NLRP11: variants seen among roughly 807,000 people sequenced by gnomAD.
NLRP11 encodes the protein NLR family pyrin domain containing 11.
In NLRP11, 53 loss-of-function variants were observed where a neutral mutation model predicts 79.3. The observed-to-expected ratio is 0.67, with a 90% CI of 0.54 to 0.84. The LOEUF is 0.84. Ranked by LOEUF, NLRP11 falls within the 40% of genes least tolerant of loss-of-function variation. The pLI is 0.00. For synonymous variants in NLRP11, 518 were observed against 462.6 expected, an observed-to-expected ratio of 1.12 and a Z score of -1.54; for missense variants, 1,264 against 1,255.0, an observed-to-expected ratio of 1.01 and a Z score of -0.11.
intron 1 of NLRP11, among the ~76,000 whole-genome samples, chr19:55,830,990 A>G (rs1304315851): frequency 6.6e-6 from 1 of 152,070 alleles, no homozygotes; most frequent in African/African-American, 2.4e-5. Flanking sequence ...GAGACTTTGG[A>G]GGTTGGGCCC....
intron 5 of NLRP11, among the ~76,000 whole-genome samples, chr19:55,796,756 G>C (rs558637793): frequency 4.6e-5 from 7 of 150,982 alleles, no homozygotes; most frequent in Non-Finnish European, 8.8e-5. Context: ...GTGCGATCTC[G>C]GCTCACTGCA....
chr19:55,808,382 G>A (rs1250543687), intron 3 of NLRP11, among the ~76,000 whole-genome samples: 1 of 152,146 alleles, frequency 6.6e-6, no homozygotes, highest in East Asian at 1.9e-4. Context: ...AAGAAATTAG[G>A]TTAAACCACT....
intron 1 of NLRP11, among the ~76,000 whole-genome samples, chr19:55,823,767 A>G (rs986874515): frequency 2.0e-5 from 3 of 150,116 alleles, no homozygotes; most frequent in Admixed American, 6.7e-5. Flanking sequence ...ACTATGTGAA[A>G]AGACCAAATC....
intron 2 of NLRP11, among the ~76,000 whole-genome samples, chr19:55,817,590 T>G (rs1021775586): frequency 2.6e-5 from 4 of 151,982 alleles, no homozygotes; most frequent in African/African-American, 9.7e-5. Flanking sequence ...AACCAAACAT[T>G]GTATTTTCTC....
At chr19:55,803,121 G>A (rs1979642060) in intron 4 of NLRP11, among the ~76,000 whole-genome samples, 1 of 152,088 alleles carries the variant, frequency 6.6e-6, no homozygotes, top group Non-Finnish European at 1.5e-5. Flanking sequence ...GACTCAGATG[G>A]GCAGATCACA....
intron 5 of NLRP11, among the ~76,000 whole-genome samples, chr19:55,798,798 A>C (rs1178634059): frequency 6.6e-6 from 1 of 152,120 alleles, no homozygotes; most frequent in African/African-American, 2.4e-5. Flanking sequence ...AAACTAGATG[A>C]AAGTTGCCCT....
intron 1 of NLRP11, among the ~76,000 whole-genome samples, chr19:55,831,026 C>T (rs1982710647): frequency 6.6e-6 from 1 of 151,254 alleles, no homozygotes; most frequent in Non-Finnish European, 1.5e-5. Context: ...GTTCCAATCC[C>T]CCCTGTAAAT....
intron 4 of NLRP11, among the ~76,000 whole-genome samples, chr19:55,804,818 A>G (rs1309543603): frequency 3.9e-5 from 6 of 152,278 alleles, no homozygotes; most frequent in Non-Finnish European, 5.9e-5. Flanking sequence ...TAATCTCAGC[A>G]CTTTGGGAGG....
At position 55,809,691 on chromosome 19, in the gene NLRP11, T is replaced by C. The variant is rs765224655; in HGVS notation, c.919A>G (p.Ile307Val). The change falls in exon 3 of 10, where the codon ATA (isoleucine) becomes GTA (valine). Residue 307 changes from isoleucine to valine, a missense_variant. Transcript: ENST00000589093. The surrounding 1 kb of genome is among the most constrained non-coding windows in gnomAD (Gnocchi z 4.5). Reference sequence around the variant, plus strand: ...TCTTTAAAGAAAGAGTTAAAATATATCTCCCTCTTCCCATTCGACAGCTGC... The same window carrying C: ...TCTTTAAAGAAAGAGTTAAAATATACCTCCCTCTTCCCATTCGACAGCTGC... The C allele has an allele frequency of 6.2e-7, 1 of 1,613,978 alleles. No individual in the cohort carries two copies. The highest frequency in any genetic ancestry group is 8.5e-7 in the Non-Finnish European group (1 of 1,180,012).
rs756833290 is a variant in NLRP11, at chr19:55,801,622, T to C, written c.2121A>G (p.Ser707=). The C allele has an allele frequency of 3.7e-6, 6 of 1,613,972 alleles. No homozygotes were observed. The Admixed American group carries it at 1.0e-4, about 27-fold the overall frequency. Residue 707 remains serine (S), a synonymous_variant, in exon 5 of 10, where the codon TCA becomes TCG. Coordinates refer to ENST00000589093, the Ensembl canonical transcript of NLRP11. ...GCTCGTGCAGGATGTCATGCAGAAG[T>C]GAAAACATATTTAGGGAAATGGACG...
intron 5 of NLRP11, chr19:55,798,403 A>G (rs755226408): frequency 6.9e-5 from 62 of 898,250 alleles, no homozygotes; most frequent in East Asian, 2.4e-4. Flanking sequence ...GCAAACTAAC[A>G]TAAGGACAGA....
At chr19:55,807,410 T>C (rs1008048011) in intron 4 of NLRP11, among the ~76,000 whole-genome samples, 13 of 152,284 alleles carry the variant, frequency 8.5e-5, no homozygotes, top group African/African-American at 3.1e-4. Flanking sequence ...ATTTTTGCTT[T>C]CTTCCTTAGG....
At chr19:55,796,208 G>T in exon 6 of NLRP11, 11 of 1,613,724 alleles carry the variant, frequency 6.8e-6, no homozygotes, top group Non-Finnish European at 9.3e-6. Context: ...GGAGAGAGGC[G>T]ATTTCTTCAC....
intron 4 of NLRP11, among the ~76,000 whole-genome samples, chr19:55,804,737 T>G (rs1600185858): frequency 6.6e-6 from 1 of 152,162 alleles, no homozygotes; most frequent in South Asian, 2.1e-4. Flanking sequence ...ATAAACAAAC[T>G]TGCACATGTA....
intron 1 of NLRP11, among the ~76,000 whole-genome samples, chr19:55,819,132 C>G (rs112638137): frequency 0.013 from 291 of 22,378 alleles, 7 homozygotes; most frequent in African/African-American, 0.09. Context: ...CGCCTACACA[C>G]ACACACACAC....
At chr19:55,819,665 C>T (rs777277823) in intron 1 of NLRP11, among the ~76,000 whole-genome samples, 3 of 151,950 alleles carry the variant, frequency 2.0e-5, no homozygotes, top group South Asian at 2.1e-4. Context: ...CCTTTGGGGG[C>T]GAAAAAGAAA....
At chr19:55,815,230 T>C (rs1980986387) in intron 2 of NLRP11, among the ~76,000 whole-genome samples, 1 of 152,132 alleles carries the variant, frequency 6.6e-6, no homozygotes, top group Non-Finnish European at 1.5e-5. Flanking sequence ...AAGAAATTAT[T>C]CAGGAATTTA....
chr19:55,822,726 A>G (rs889457118), intron 1 of NLRP11, among the ~76,000 whole-genome samples: 2 of 152,188 alleles, frequency 1.3e-5, no homozygotes, highest in Non-Finnish European at 2.9e-5. Context: ...ACGGCGCACC[A>G]TGAGACTATA....
At chr19:55,830,108 G>A (rs906910039) in intron 1 of NLRP11, among the ~76,000 whole-genome samples, 4 of 152,184 alleles carry the variant, frequency 2.6e-5, no homozygotes, top group Admixed American at 1.3e-4. Context: ...TATTGTTCAA[G>A]GGTCCACTGT....
Sources: allele counts gnomAD v4.1 joint callset (sites outside exome capture counted in the v4.1 genomes callset), GRCh38; gene constraint gnomAD v4.1.1; non-coding constraint Gnocchi (gnomAD v3.1); transcripts MANE v1.5; gene names NCBI Gene and HGNC (gene_info 2026-07-23, HGNC 2026-07-21).